SLC24A1: variants seen among roughly 807,000 people sequenced by gnomAD.
SLC24A1 encodes the protein solute carrier family 24 member 1, also known as sodium/potassium/calcium exchanger 1.
SLC24A1 carries 52 observed loss-of-function variants against 88.1 expected under a neutral mutation model. The observed-to-expected ratio is 0.59, with a 90% confidence interval of 0.47 to 0.74. SLC24A1 has a LOEUF of 0.74. Ranked by LOEUF, SLC24A1 falls within the 30% of genes least tolerant of loss-of-function variation. The pLI, the probability that SLC24A1 is intolerant of heterozygous loss-of-function variation, is 0.00. For synonymous variants in SLC24A1, 455 were observed against 498.0 expected (o/e 0.91, Z 1.15); for missense variants, 1,173 against 1,363.3 (o/e 0.86, Z 2.20).
At chr15:65,635,974 A>C (rs1372756113) in intron 2 of SLC24A1, among the ~76,000 whole-genome samples, 1 of 152,202 alleles carries the variant, frequency 6.6e-6, no homozygotes, top group Non-Finnish European at 1.5e-5. Flanking sequence ...TGCATGAATG[A>C]ATAAGTTGGA....
Position 65,624,002 on chromosome 15 carries a change from T to A in SLC24A1, c.-79T>A, listed in dbSNP as rs2074409855. ...GGCTTCATGGAGAAATCTTCTCTGA[T>A]CACCAACCTGAATCCCAGAGTAGCC... On this transcript the variant is annotated 5_prime_UTR_variant, in exon 2 of 10. Transcript: ENST00000261892. 1 of 1,340,332 alleles carries A rather than the reference T, an allele frequency of 7.5e-7. No homozygotes were observed. Among genetic ancestry groups the A allele is most frequent in the Non-Finnish European group, 1.0e-6 (1 of 977,308 alleles). 83.0% of individuals were successfully genotyped at this position (1,340,332 alleles called of 1,614,324 possible). A position where few individuals can be genotyped will look rare whatever the true frequency, so the allele number is the denominator to read the frequency against.
At position 65,655,579 on chromosome 15, in the gene SLC24A1, A is replaced by G. The variant is rs2075654737; in HGVS notation, c.*1500A>G. 1.0e-6 allele frequency: 1 copy of G among 985,328 alleles called. No individual in the cohort carries two copies. The highest frequency in any genetic ancestry group is 1.2e-6 in the Non-Finnish European group (1 of 829,934). 61.0% of individuals were successfully genotyped at this position (985,328 alleles called of 1,614,324 possible). A position where few individuals can be genotyped will look rare whatever the true frequency, so the allele number is the denominator to read the frequency against. On this transcript the variant is annotated 3_prime_UTR_variant, in exon 10 of 10. Transcript: ENST00000261892. ...CACGTTAGAAATAGAACAGCTTAAT[A>G]TCACTGGCTTCAGAGCAAAATGAGC...
At chr15:65,617,060 T>G (rs2074169143), upstream of SLC24A1, among the ~76,000 whole-genome samples, 1 of 152,194 alleles carries the variant, frequency 6.6e-6, no homozygotes, top group Non-Finnish European at 1.5e-5. Flanking sequence ...TTCTGAGGCC[T>G]CTGTTCTGTT....
In SLC24A1 at chr15:65,654,430, C is replaced by T. The variant is rs2075608956; in HGVS notation, c.*351C>T. 2.6e-6 allele frequency: 3 copies of T among 1,165,172 alleles called. No individual in the cohort carries two copies. Among genetic ancestry groups the T allele is most frequent in the African/African-American group, 3.2e-5 (2 of 61,702 alleles). The allele number at this position is 1,165,172 out of a possible 1,614,324, so 72.2% of individuals were successfully genotyped here. On this transcript the variant is annotated 3_prime_UTR_variant, in exon 10 of 10. Transcript: ENST00000261892. ...AGCAGCTATAAGACAAGCTCCTACGCTCACTGTTCCCTGATCATTCCAAAG... is the reference window on the plus strand; with the variant it reads ...AGCAGCTATAAGACAAGCTCCTACGTTCACTGTTCCCTGATCATTCCAAAG...
rs758702980 is a variant in SLC24A1 at position 65,652,811 on chromosome 15, G to A, written c.3050+3G>A. On this transcript the variant is annotated splice_donor_region_variant and intron_variant, in intron 9 of 9. Coordinates refer to ENST00000261892, the MANE Select transcript of SLC24A1 (RefSeq NM_004727.3). ...AACATATTTGATATCACTGTGGGGT[G>A]AGTGGCAATGTAACTTTCTAAGGGG... The A allele has an allele frequency of 1.4e-5, 23 of 1,589,054 alleles. No individual in the cohort carries two copies. The highest frequency in any genetic ancestry group is 5.1e-5 in the Admixed American group (3 of 58,796).
At chr15:65,647,623 G>A (rs929246084) in intron 6 of SLC24A1, among the ~76,000 whole-genome samples, 1 of 152,156 alleles carries the variant, frequency 6.6e-6, no homozygotes, top group African/African-American at 2.4e-5. Context: ...TACTTGCTCA[G>A]CTGGGGCTAT....
At chr15:65,635,286 C>T (rs2074879400) in intron 2 of SLC24A1, among the ~76,000 whole-genome samples, 1 of 151,458 alleles carries the variant, frequency 6.6e-6, no homozygotes, top group African/African-American at 2.4e-5. Flanking sequence ...TCAAGATCAT[C>T]CCGGCCAATA....
intron 2 of SLC24A1, among the ~76,000 whole-genome samples, chr15:65,630,877 A>C (rs749157487): frequency 6.6e-6 from 1 of 152,188 alleles, no homozygotes; most frequent in Admixed American, 6.5e-5. Context: ...AGGCTGAGGC[A>C]GGAGAATTGC....
intron 4 of SLC24A1, 73 bp from the exon 5 acceptor site, chr15:65,644,354 G>T: frequency 1.9e-6 from 2 of 1,065,014 alleles, no homozygotes; most frequent in Non-Finnish European, 2.8e-6. Context: ...TCAGCTGACT[G>T]TCCTAACTGA....
At chr15:65,639,539 G>A (rs987372728) in intron 3 of SLC24A1, 56 bp from the exon 4 acceptor site, 6 of 1,104,972 alleles carry the variant, frequency 5.4e-6, no homozygotes, top group Non-Finnish European at 8.1e-6. Flanking sequence ...ATGCCCTCGT[G>A]TGGTTCCTCC....
intron 8 of SLC24A1, chr15:65,652,437 C>G (rs2075538626): frequency 2.0e-6 from 1 of 512,464 alleles, no homozygotes; most frequent in African/African-American, 1.9e-5. Context: ...CAACATGGTC[C>G]CTGTGGCCAG....
intron 1 of SLC24A1, chr15:65,612,463 T>G (rs1473409352): frequency 6.6e-6 from 1 of 152,332 alleles, no homozygotes; most frequent in Non-Finnish European, 1.5e-5. Context: ...GCCAGTTGCT[T>G]GTAGTTTTTT....
Position 65,625,042 on chromosome 15 carries a change from G to A in SLC24A1, c.962G>A (p.Gly321Glu), listed in dbSNP as rs747732220. 3 of 1,613,692 alleles carry A rather than the reference G, an allele frequency of 1.9e-6. No homozygotes were observed. The highest frequency in any genetic ancestry group is 8.5e-7 in the Non-Finnish European group (1 of 1,179,796). ...TTGCATACCCCAGCCACCTCTGAGG[G>A]GCAGGTGACAATAAGCACCATGACA... ...VLLHTPATSE[G>E]QVTISTMTGS... The change falls in exon 2 of 10, where the codon GGG becomes GAG. Residue 321 changes from glycine (G) to glutamate (E), a missense_variant. Transcript: ENST00000261892.
Position 65,654,400 on chromosome 15 carries a change from G to A in SLC24A1, c.*321G>A. 3.4e-6 allele frequency: 4 copies of A among 1,172,156 alleles called. No individual in the cohort carries two copies. Among genetic ancestry groups the A allele is most frequent in the Non-Finnish European group, 4.2e-6 (4 of 944,202 alleles). The allele number at this position is 1,172,156 out of a possible 1,614,324, so 72.6% of individuals were successfully genotyped here. ...ATAACTGGGGGCAAAGGTTGGGATAGGCGCAGCAGCTATAAGACAAGCTCC... is the reference window on the plus strand; with the variant it reads ...ATAACTGGGGGCAAAGGTTGGGATAAGCGCAGCAGCTATAAGACAAGCTCC... On this transcript the variant is annotated 3_prime_UTR_variant, in exon 10 of 10. Transcript: ENST00000261892.
intron 2 of SLC24A1, among the ~76,000 whole-genome samples, chr15:65,630,253 G>A (rs562901811): frequency 2.0e-4 from 30 of 152,290 alleles, no homozygotes; most frequent in African/African-American, 7.0e-4. Flanking sequence ...ACCTCCCAAA[G>A]TGCTGGGATT....
downstream of SLC24A1, chr15:65,658,018 G>C (rs2075740229): frequency 6.6e-6 from 1 of 152,154 alleles, no homozygotes; most frequent in Non-Finnish European, 1.5e-5. Context: ...AAATAGTAAA[G>C]GAGGGAGCCA....
intron 3 of SLC24A1, 100 bp downstream of exon 3, chr15:65,638,281 G>T (rs1210102086): frequency 2.3e-6 from 2 of 874,600 alleles, no homozygotes; most frequent in Non-Finnish European, 3.7e-6. Context: ...GACCCTGGCT[G>T]TGCTCAGGCC....
rs1289758075 is a variant in SLC24A1 at position 65,650,612 on chromosome 15, G to A, written c.2463G>A (p.Met821Ile). The change falls in exon 7 of 10, where the codon ATG becomes ATA. Residue 821 changes from methionine to isoleucine, a missense_variant. By Grantham distance (10) the Met-to-Ile change is conservative. Coordinates refer to ENST00000261892, the MANE Select transcript of SLC24A1 (RefSeq NM_004727.3). This position sits in a 1 kb window ranked among gnomAD's most constrained non-coding sequence, Gnocchi z 4.1. Reference protein sequence around the residue: ...EGEIHAEDGEMKGNEGETESQ... With the variant: ...EGEIHAEDGEIKGNEGETESQ... ...AAATCCACGCAGAAGATGGTGAAAT[G>A]AAAGGTAATGAAGGTGAAACTGAAA... 7 of 1,551,702 alleles carry A rather than the reference G, an allele frequency of 4.5e-6. No homozygotes were observed. The highest frequency in any genetic ancestry group is 1.7e-4 in the Middle Eastern group (1 of 6,018).
At chr15:65,642,500 T>C (rs1454269660) in intron 4 of SLC24A1, among the ~76,000 whole-genome samples, 1 of 152,176 alleles carries the variant, frequency 6.6e-6, no homozygotes, top group Non-Finnish European at 1.5e-5. Flanking sequence ...TGTTTATGGC[T>C]AGCCCTTCCA....
Sources: allele counts gnomAD v4.1 joint callset (sites outside exome capture counted in the v4.1 genomes callset), GRCh38; gene constraint gnomAD v4.1.1; non-coding constraint Gnocchi (gnomAD v3.1); transcripts MANE v1.5; gene names NCBI Gene and HGNC (gene_info 2026-07-23, HGNC 2026-07-21).